BHMT2: variants seen among roughly 807,000 people sequenced by gnomAD.
BHMT2 encodes the protein betaine--homocysteine S-methyltransferase 2.
BHMT2 carries 28 observed loss-of-function variants against 39.0 expected under a neutral mutation model. The observed-to-expected ratio is 0.72, with a 90% CI of 0.53 to 0.98. The LOEUF (loss-of-function observed/expected upper bound fraction) is 0.98. Ranked by LOEUF, BHMT2 falls within the 50% of genes least tolerant of loss-of-function variation. The pLI is 0.00. For missense variants in BHMT2, 410 were observed against 455.6 expected (o/e 0.90, Z 0.91); for synonymous variants, 145 against 160.6 (o/e 0.90, Z 0.74).
intron 2 of BHMT2, 140 bp downstream of exon 2, chr5:79,077,752 C>G: frequency 1.9e-6 from 2 of 1,033,314 alleles, no homozygotes; most frequent in Middle Eastern, 3.1e-4. Context: ...GAGATAATGG[C>G]AGTATACAGG....
chr5:79,080,833 G>T lies in BHMT2; in HGVS notation c.405G>T (p.Gln135His). The T allele has an allele frequency of 6.2e-7, 1 of 1,603,084 alleles. No homozygotes were observed. Among genetic ancestry groups the T allele is most frequent in the Non-Finnish European group, 8.5e-7 (1 of 1,176,682 alleles). The change falls in exon 4 of 8, where the codon CAG becomes CAT. Residue 135 changes from glutamine (Q) to histidine (H), a missense_variant. Gln to His is a conservative substitution (Grantham distance 24). Transcript: ENST00000255192. ...GAATTAAAAAACTTTTTCGACAACAGCTAGAAGTTTTTGCCTGGAAAAATG... is the reference window on the plus strand; with the variant it reads ...GAATTAAAAAACTTTTTCGACAACATCTAGAAGTTTTTGCCTGGAAAAATG... ...EARIKKLFRQ[Q>H]LEVFAWKNVD... is the part of the protein sequence containing the mutation.
At position 79,088,808 on chromosome 5, in the gene BHMT2, C is replaced by T. The variant is rs1755959701; in HGVS notation, c.*234C>T. On this transcript the variant is annotated 3_prime_UTR_variant, in exon 8 of 8. Transcript: ENST00000255192. Reference sequence around the variant, plus strand: ...GAGATGCAAAGAGAAGCGAGAGAGGCACCTTGTTCTCCAAGAACTTACTGT... The same window carrying T: ...GAGATGCAAAGAGAAGCGAGAGAGGTACCTTGTTCTCCAAGAACTTACTGT... The T allele has an allele frequency of 2.6e-6, 1 of 386,248 alleles. No individual in the cohort carries two copies. Among genetic ancestry groups the T allele is most frequent in the Middle Eastern group, 5.0e-4 (1 of 1,984 alleles). 23.9% of individuals were successfully genotyped at this position (386,248 alleles called of 1,614,324 possible). A position where few individuals can be genotyped will look rare whatever the true frequency, so the allele number is the denominator to read the frequency against.
Position 79,087,041 on chromosome 5 carries a change from T to TAC in BHMT2, c.1011-1450_1011-1449dup, listed in dbSNP as rs1554040234. ...ATATATATATATATATATATATATA[T>TAC]ACATATGTATGTATATCTGTTGATA... On this transcript the variant is annotated intron_variant, in intron 7 of 7. Coordinates refer to ENST00000255192, the MANE Select transcript of BHMT2 (RefSeq NM_017614.5). Among the ~76,000 whole-genome samples, 35 of 138,390 alleles carry TAC rather than the reference T, an allele frequency of 2.5e-4. 1 individual carries two copies. The highest frequency in any genetic ancestry group is 4.2e-4 in the East Asian group (2 of 4,790). The allele number at this position is 138,390 out of a possible 152,430, so 90.8% of individuals were successfully genotyped here.
At chr5:79,084,640 T>C (rs1374122937) in intron 7 of BHMT2, among the ~76,000 whole-genome samples, 1 of 152,176 alleles carries the variant, frequency 6.6e-6, no homozygotes, top group East Asian at 1.9e-4. Flanking sequence ...ATCATCACAC[T>C]GGTGACTAGG....
At chr5:79,083,897 A>T (rs1175398141) in intron 7 of BHMT2, 41 bp downstream of exon 7, 1 of 1,555,622 alleles carries the variant, frequency 6.4e-7, no homozygotes, top group Non-Finnish European at 8.7e-7. Context: ...TTTTCCTTTA[A>T]TCTCATTTTA....
rs766540987 is a variant in BHMT2, at chr5:79,077,602, C to T, written c.156C>T (p.His52=). Reference sequence around the variant, plus strand: ...GGACTCCAGAGGCAGTGATAGAACACCCAGACGCAGGTTGGTGTCCACATC... The same window carrying T: ...GGACTCCAGAGGCAGTGATAGAACATCCAGACGCAGGTTGGTGTCCACATC... ...GLWTPEAVIE[H]PDAVRQLHME... is the part of the protein sequence containing the mutation. The change falls in exon 2 of 8, where the codon CAC becomes CAT. Residue 52 remains histidine (H), a synonymous_variant. Coordinates refer to ENST00000255192, the MANE Select transcript of BHMT2 (RefSeq NM_017614.5). The T allele has an allele frequency of 1.2e-5, 19 of 1,613,520 alleles. No individual in the cohort carries two copies. Among genetic ancestry groups the T allele is most frequent in the African/African-American group, 1.3e-5 (1 of 74,832 alleles).
chr5:79,087,604 A>G (rs905210979), intron 7 of BHMT2, among the ~76,000 whole-genome samples: 7 of 152,292 alleles, frequency 4.6e-5, no homozygotes, highest in Admixed American at 6.5e-5. Context: ...AAAAATATTG[A>G]TTTATTCATT....
intron 4 of BHMT2, among the ~76,000 whole-genome samples, chr5:79,081,319 C>T (rs1321302164): frequency 6.6e-6 from 1 of 152,180 alleles, no homozygotes; most frequent in East Asian, 1.9e-4. Flanking sequence ...TGCTCAGCAC[C>T]CAGTAGTTTC....
In BHMT2 at chr5:79,077,627, C is replaced by A; in HGVS notation, c.166+15C>A. On this transcript the variant is annotated intron_variant, in intron 2 of 7. Coordinates refer to ENST00000255192, the MANE Select transcript of BHMT2 (RefSeq NM_017614.5). ...CCCAGACGCAGGTTGGTGTCCACATCCCCAAGAGTGTCTACCTGAGTGGTA... is the reference window on the plus strand; with the variant it reads ...CCCAGACGCAGGTTGGTGTCCACATACCCAAGAGTGTCTACCTGAGTGGTA... The A allele has an allele frequency of 6.2e-7, 1 of 1,610,048 alleles. No homozygotes were observed. The highest frequency in any genetic ancestry group is 8.5e-7 in the Non-Finnish European group (1 of 1,178,330).
At chr5:79,070,084 C>T (rs1401800302) in intron 1 of BHMT2, among the ~76,000 whole-genome samples, 1 of 152,214 alleles carries the variant, frequency 6.6e-6, no homozygotes, top group African/African-American at 2.4e-5. Context: ...GAAACTGAGG[C>T]TCGGCGAGTC....
At chr5:79,082,702 G>C (rs1319974815) in intron 4 of BHMT2, 107 bp from the exon 5 acceptor site, 1 of 1,349,210 alleles carries the variant, frequency 7.4e-7, no homozygotes, top group Non-Finnish European at 1.0e-6. Flanking sequence ...TTATGCATAT[G>C]TTTATATTCT....
intron 4 of BHMT2, chr5:79,082,595 T>C: frequency 2.4e-6 from 1 of 425,212 alleles, no homozygotes. Context: ...GAACCCTGAA[T>C]GAAAAACTAT....
Position 79,077,538 on chromosome 5 carries a change from T to A in BHMT2, c.92T>A (p.Ile31Asn). Residue 31 changes from isoleucine (I) to asparagine (N), a missense_variant, in exon 2 of 8, where the codon ATT (isoleucine) becomes AAT (asparagine). Ile to Asn is a moderately radical substitution (Grantham distance 149). Coordinates refer to ENST00000255192, the MANE Select transcript of BHMT2 (RefSeq NM_017614.5). ...GTGATTGGAGATGGCAGCTTTCTCATTACTCTGGAGAAGAGAGGCTATGTG... is the reference window on the plus strand; with the variant it reads ...GTGATTGGAGATGGCAGCTTTCTCAATACTCTGGAGAAGAGAGGCTATGTG... ...EVVIGDGSFL[I>N]TLEKRGYVKA... is the part of the protein sequence containing the mutation. 2.5e-6 allele frequency: 4 copies of A among 1,613,940 alleles called. No individual in the cohort carries two copies. The highest frequency in any genetic ancestry group is 8.5e-7 in the Non-Finnish European group (1 of 1,179,986).
chr5:79,080,934 A>T (rs1755776348), intron 4 of BHMT2, 56 bp downstream of exon 4: 5 of 1,447,988 alleles, frequency 3.5e-6, no homozygotes, highest in Non-Finnish European at 4.6e-6. Flanking sequence ...ATAACTGCAG[A>T]GTCTTCACAT....
chr5:79,082,564 G>T, intron 4 of BHMT2: 1 of 316,182 alleles, frequency 3.2e-6, no homozygotes, highest in South Asian at 9.6e-5. Context: ...TTACTAATAG[G>T]CATCATCTCA....
At chr5:79,076,446 G>A (rs1229828897) in intron 1 of BHMT2, among the ~76,000 whole-genome samples, 3 of 152,094 alleles carry the variant, frequency 2.0e-5, no homozygotes, top group African/African-American at 4.8e-5. Context: ...TCCTCACCAG[G>A]GTCTGTGGGC....
chr5:79,072,223 C>A (rs182247583), intron 1 of BHMT2, among the ~76,000 whole-genome samples: 2 of 151,340 alleles, frequency 1.3e-5, no homozygotes, highest in Non-Finnish European at 2.9e-5. Flanking sequence ...GCTGAGATCG[C>A]GCTACTGCAC....
intron 3 of BHMT2, 70 bp downstream of exon 3, chr5:79,079,530 T>C: frequency 9.4e-7 from 1 of 1,066,820 alleles, no homozygotes; most frequent in Non-Finnish European, 1.4e-6. Context: ...TGGGAAGCTA[T>C]GGAATTGATT....
intron 6 of BHMT2, 108 bp from the exon 7 acceptor site, chr5:79,083,520 C>T: frequency 2.7e-6 from 4 of 1,473,492 alleles, no homozygotes; most frequent in Non-Finnish European, 3.6e-6. Context: ...CAGAAGAATG[C>T]ATCATCTAAA....
Sources: gnomAD v4.1 joint callset for allele counts (sites outside exome capture counted in the v4.1 genomes callset) on GRCh38, gnomAD v4.1.1 for gene constraint, MANE v1.5 for transcripts, NCBI Gene and HGNC (gene_info 2026-07-23, HGNC 2026-07-21) for gene names.